The following RBFOX1 variants were observed in gnomAD, a reference collection of about 807,000 sequenced individuals.
The protein encoded by RBFOX1 is RNA binding fox-1 homolog 1.
In RBFOX1, 8 loss-of-function variants were observed where a neutral mutation model predicts 57.7. The ratio of observed to expected loss-of-function variants is 0.14; its 90% confidence interval spans 0.08 to 0.25. The LOEUF is 0.25. Among genes scored for constraint, RBFOX1 ranks in the 10% least tolerant of loss-of-function variants. RBFOX1 has a pLI of 1.00. For missense variants in RBFOX1, 611 were observed against 548.5 expected (o/e 1.11, Z -1.14); for synonymous variants, 326 against 222.4 (o/e 1.47, Z -4.15).
At chr16:7,399,026 G>C (rs1212587993) in intron 4 of RBFOX1, among the ~76,000 whole-genome samples, 10 of 152,230 alleles carry the variant, frequency 6.6e-5, no homozygotes. Context: ...CTTGGGGCAA[G>C]TGTTGAGTGA....
chr16:6,747,476 T>TGTCTCTC (rs1414362121), intron 3 of RBFOX1, among the ~76,000 whole-genome samples: 1 of 137,034 alleles, frequency 7.3e-6, no homozygotes, highest in Non-Finnish European at 1.6e-5. Context: ...GTCTGTCTGT[T>TGTCTCTC]TATCTATCTG....
At chr16:7,517,572 A>G (rs2152159817) in intron 4 of RBFOX1, among the ~76,000 whole-genome samples, 1 of 133,160 alleles carries the variant, frequency 7.5e-6, no homozygotes, top group African/African-American at 2.8e-5. Flanking sequence ...ACACACACAC[A>G]CAACATAACA....
intron 2 of RBFOX1, among the ~76,000 whole-genome samples, chr16:6,346,277 C>G (rs1019587676): frequency 1.3e-5 from 2 of 152,206 alleles, no homozygotes; most frequent in Non-Finnish European, 2.9e-5. Flanking sequence ...CCAGAAGGTA[C>G]TGCTGTAGAT....
At chr16:6,634,375 C>CA (rs1265569299) in intron 2 of RBFOX1, among the ~76,000 whole-genome samples, 5 of 151,814 alleles carry the variant, frequency 3.3e-5, no homozygotes, top group African/African-American at 4.8e-5. Flanking sequence ...TGACCTTGGG[C>CA]AAAAAACCAA....
intron 1 of RBFOX1, among the ~76,000 whole-genome samples, chr16:6,205,863 CTT>C (rs34261182): frequency 1.0e-5 from 1 of 97,922 alleles, no homozygotes; most frequent in Admixed American, 1.5e-4. Flanking sequence ...CGAGATCATA[CTT>C]TTTTTTTTTT....
intron 4 of RBFOX1, among the ~76,000 whole-genome samples, chr16:7,264,268 A>G (rs2095044031): frequency 6.6e-6 from 1 of 152,218 alleles, no homozygotes; most frequent in Non-Finnish European, 1.5e-5. Context: ...AAGAAAAAAC[A>G]AAATTGGTAA....
chr16:6,849,527 G>A (rs917976911), intron 3 of RBFOX1, among the ~76,000 whole-genome samples: 3 of 152,022 alleles, frequency 2.0e-5, no homozygotes, highest in African/African-American at 7.3e-5. Context: ...AAATTAGCTG[G>A]GTATGGTGGT....
chr16:6,695,211 G>C (rs2060835852), intron 3 of RBFOX1, among the ~76,000 whole-genome samples: 1 of 152,036 alleles, frequency 6.6e-6, no homozygotes, highest in South Asian at 2.1e-4. Context: ...CCTGATGTCA[G>C]GAGTTTGAGA....
chr16:6,982,398 G>A (rs535270980), intron 3 of RBFOX1, among the ~76,000 whole-genome samples: 28 of 152,278 alleles, frequency 1.8e-4, no homozygotes, highest in African/African-American at 6.3e-4. Flanking sequence ...TCATTCCAGA[G>A]TCAGGGCTCT....
chr16:5,340,483 T>C (rs1335803957), intron 1 of RBFOX1, among the ~76,000 whole-genome samples: 2 of 152,184 alleles, frequency 1.3e-5, no homozygotes, highest in African/African-American at 2.4e-5. Context: ...TGGGCACATA[T>C]TGGGAGTGAT....
In RBFOX1 at chr16:7,508,109, C is replaced by G. The variant is rs111716933; in HGVS notation, c.28-10038C>G. ...TCAAGCGATTCTCGTGCCTCAGCCTCCAAAGTAGCTGGGATTACAGGCACC... is the reference window on the plus strand; with the variant it reads ...TCAAGCGATTCTCGTGCCTCAGCCTGCAAAGTAGCTGGGATTACAGGCACC... On this transcript the variant is annotated intron_variant, in intron 4 of 15. Coordinates refer to ENST00000550418, the MANE Select transcript of RBFOX1 (RefSeq NM_018723.4). 5.0e-3 allele frequency among the ~76,000 whole-genome samples: 756 copies of G among 152,070 alleles called. 6 individuals are homozygous for G. Among genetic ancestry groups the G allele is most frequent in the African/African-American group, 0.017 (721 of 41,486 alleles).
At chr16:5,854,702 T>C (rs929828002) in intron 3 of RBFOX1, among the ~76,000 whole-genome samples, 1 of 152,054 alleles carries the variant, frequency 6.6e-6, no homozygotes, top group Admixed American at 6.6e-5. Context: ...AACATGGGGG[T>C]GCACATATCT....
At chr16:7,265,975 T>TCTGAGAGGGAGTC (rs1413179514) in intron 4 of RBFOX1, among the ~76,000 whole-genome samples, 1 of 137,274 alleles carries the variant, frequency 7.3e-6, no homozygotes, top group African/African-American at 2.8e-5. Context: ...TTTTTTTTTT[T>TCTGAGAGGGAGTC]TTTTTTTTTT....
intron 14 of RBFOX1, among the ~76,000 whole-genome samples, chr16:7,678,118 A>G (rs1299600417): frequency 3.3e-5 from 5 of 152,220 alleles, no homozygotes; most frequent in African/African-American, 1.2e-4. Context: ...ATCTGGTTCT[A>G]TGCAGGTATC....
chr16:7,251,175 A>G (rs2094487732), intron 4 of RBFOX1, among the ~76,000 whole-genome samples: 1 of 151,964 alleles, frequency 6.6e-6, no homozygotes, highest in Admixed American at 6.6e-5. Flanking sequence ...ACCAACCCCA[A>G]TCCCACCCCA....
intron 3 of RBFOX1, among the ~76,000 whole-genome samples, chr16:6,871,320 G>A (rs2060837352): frequency 6.6e-6 from 1 of 152,056 alleles, no homozygotes; most frequent in African/African-American, 2.4e-5. Flanking sequence ...TGAGTAGCTG[G>A]GATTACAGGC....
intron 2 of RBFOX1, among the ~76,000 whole-genome samples, chr16:6,584,958 G>C (rs1046925271): frequency 6.6e-6 from 1 of 152,148 alleles, no homozygotes. Flanking sequence ...TTGCCTTACT[G>C]AAGATAAAGG....
At chr16:6,831,341 T>C (rs1384602827) in intron 3 of RBFOX1, among the ~76,000 whole-genome samples, 3 of 152,210 alleles carry the variant, frequency 2.0e-5, no homozygotes, top group South Asian at 2.1e-4. Flanking sequence ...CAATGTCTTA[T>C]TAGATGATAC....
At position 6,450,775 on chromosome 16, in the gene RBFOX1, A is replaced by ATATACATATATATGTG. The variant is rs1567302687; in HGVS notation, c.-64+133722_-64+133723insCATATATATGTGTATA. ...TATACATATATATATGTGTATATAT[A>ATATACATATATATGTG]TATATATATATATACATATATATAT... On this transcript the variant is annotated intron_variant, in intron 2 of 15. Coordinates refer to ENST00000550418, the MANE Select transcript of RBFOX1 (RefSeq NM_018723.4). Among the ~76,000 whole-genome samples, 7 of 35,196 alleles carry ATATACATATATATGTG rather than the reference A, an allele frequency of 2.0e-4. 1 individual carries two copies. Among genetic ancestry groups the ATATACATATATATGTG allele is most frequent in the African/African-American group, 1.1e-3 (7 of 6,574 alleles). 23.1% of individuals were successfully genotyped at this position (35,196 alleles called of 152,430 possible). A position where few individuals can be genotyped will look rare whatever the true frequency, so the allele number is the denominator to read the frequency against.
Sources: allele counts gnomAD v4.1 joint callset (sites outside exome capture counted in the v4.1 genomes callset), GRCh38; gene constraint gnomAD v4.1.1; transcripts MANE v1.5; gene names NCBI Gene and HGNC (gene_info 2026-07-23, HGNC 2026-07-21).